The following ABLIM2 variants were observed in gnomAD, a reference collection of about 807,000 sequenced individuals.
ABLIM2 encodes actin-binding LIM protein 2.
ABLIM2 carries 53 observed loss-of-function variants against 97.7 expected under a neutral mutation model. That is an observed-to-expected ratio of 0.54 (90% CI 0.44 to 0.68). The LOEUF is 0.68. Among genes scored for constraint, ABLIM2 ranks in the 30% least tolerant of loss-of-function variants. The pLI is 0.00. For missense variants in ABLIM2, 835 were observed against 867.2 expected, an observed-to-expected ratio of 0.96 and a Z score of 0.47; for synonymous variants, 361 against 345.8, an observed-to-expected ratio of 1.04 and a Z score of -0.49.
rs1755888563 is a variant in ABLIM2 at position 7,999,888 on chromosome 4, C to A, written c.1619-6961G>T. Among the ~76,000 whole-genome samples, 1 of 152,244 alleles carries A rather than the reference C, an allele frequency of 6.6e-6. No individual in the cohort carries two copies. Among genetic ancestry groups the A allele is most frequent in the Admixed American group, 6.5e-5 (1 of 15,290 alleles). ...CCAGGCCTGCTCTTGGGGCCCTGAG[C>A]CTCTTCTCCACAGGTCTGTCCTCTT... is the stretch of plus-strand genomic sequence containing the variant. On this transcript the variant is annotated intron_variant, in intron 16 of 20. Coordinates refer to ENST00000447017, the MANE Select transcript of ABLIM2 (RefSeq NM_001130083.2). This position sits in a 1 kb window ranked among gnomAD's most constrained non-coding sequence, Gnocchi z 4.4.
intron 9 of ABLIM2, among the ~76,000 whole-genome samples, chr4:8,042,109 A>G (rs1789068827): frequency 6.6e-6 from 1 of 152,104 alleles, no homozygotes; most frequent in Non-Finnish European, 1.5e-5. Context: ...CATGCTGAGG[A>G]CTTTGACCTA....
At position 7,983,570 on chromosome 4, in the gene ABLIM2, A is replaced by AGC. The variant is rs763757729; in HGVS notation, c.1736-18_1736-17dup. The AGC allele has an allele frequency of 3.1e-6, 5 of 1,612,752 alleles. No homozygotes were observed. The African/African-American group carries it at 4.0e-5, about 13-fold the overall frequency. On this transcript the variant is annotated splice_polypyrimidine_tract_variant and intron_variant, in intron 18 of 20. Coordinates refer to ENST00000447017, the MANE Select transcript of ABLIM2 (RefSeq NM_001130083.2). ...ACCTTGTATTCTGTAAGAGAGAGAG[A>AGC]GCGGAGACCACGAAATGGTTTAGAA... is the stretch of plus-strand genomic sequence containing the variant.
At chr4:8,107,221 A>C (rs1386131543) in intron 1 of ABLIM2, among the ~76,000 whole-genome samples, 1 of 152,258 alleles carries the variant, frequency 6.6e-6, no homozygotes, top group Non-Finnish European at 1.5e-5. Context: ...AGGACATTTA[A>C]GGAGTGGATG....
At chr4:7,981,344 C>T (rs1352435737) in intron 20 of ABLIM2, among the ~76,000 whole-genome samples, 1 of 152,114 alleles carries the variant, frequency 6.6e-6, no homozygotes, top group Admixed American at 6.5e-5. Flanking sequence ...TCTTTGAATC[C>T]ACCTATGACC....
chr4:7,979,294 G>A (rs1394020828), intron 20 of ABLIM2, among the ~76,000 whole-genome samples: 2 of 152,204 alleles, frequency 1.3e-5, no homozygotes, highest in African/African-American at 4.8e-5. Flanking sequence ...GCACACCCTG[G>A]AGGACTGACC....
At chr4:8,099,258 T>A (rs1488874316) in intron 2 of ABLIM2, among the ~76,000 whole-genome samples, 1 of 152,258 alleles carries the variant, frequency 6.6e-6, no homozygotes, top group East Asian at 1.9e-4. Context: ...CATTATAGTA[T>A]TCTGATGTCA....
In ABLIM2 at chr4:7,984,856, G is replaced by A. The variant is rs749079512; in HGVS notation, c.1718C>T (p.Ala573Val). The change falls in exon 18 of 21, where the codon GCC (alanine) becomes GTC (valine). Residue 573 changes from alanine (A) to valine (V), a missense_variant. Transcript: ENST00000447017. ...NLAPCGADPD[A>V]SWGMREYKIY... Reference sequence around the variant, plus strand: ...CTGTGTACCTCGCATGCCCCAGCTGGCATCCGGGTCTGCTCCACAGGGGGC... The same window carrying A: ...CTGTGTACCTCGCATGCCCCAGCTGACATCCGGGTCTGCTCCACAGGGGGC... 4 of 1,606,522 alleles carry A rather than the reference G, an allele frequency of 2.5e-6. No individual in the cohort carries two copies. The highest frequency in any genetic ancestry group is 3.4e-5 in the Admixed American group (2 of 58,988).
intron 3 of ABLIM2, among the ~76,000 whole-genome samples, chr4:8,091,026 G>A (rs1827024473): frequency 6.6e-6 from 1 of 151,464 alleles, no homozygotes; most frequent in Non-Finnish European, 1.5e-5. Flanking sequence ...CTAAGTGTGT[G>A]TTTAACTTTA....
In ABLIM2 at chr4:8,008,177, G is replaced by C; in HGVS notation, c.1500C>G (p.Leu500=). 1 of 1,613,766 alleles carries C rather than the reference G, an allele frequency of 6.2e-7. No homozygotes were observed. Among genetic ancestry groups the C allele is most frequent in the East Asian group, 2.2e-5 (1 of 44,886 alleles). ...TGGTCCTTGTGTCTGCATCCCCCTT[G>C]AGCATCAGCCAGCTGCTCTTCTGCT... ...NRKQKSSWLM[L]KGDADTRTNS... Residue 500 remains leucine (L), a synonymous_variant, in exon 16 of 21, where the codon CTC becomes CTG. Transcript: ENST00000447017.
chr4:8,065,727 C>A (rs1288002699), intron 6 of ABLIM2, among the ~76,000 whole-genome samples: 1 of 151,576 alleles, frequency 6.6e-6, no homozygotes, highest in African/African-American at 2.4e-5. Flanking sequence ...AGTTTGAGAC[C>A]AGCTTGACCA....
intron 8 of ABLIM2, among the ~76,000 whole-genome samples, chr4:8,051,352 T>C (rs1795919534): frequency 6.6e-6 from 1 of 151,200 alleles, no homozygotes; most frequent in Admixed American, 6.6e-5. Context: ...ATTGAGACCA[T>C]CCTGGTCAAC....
Position 8,128,958 on chromosome 4 carries a change from A to G in ABLIM2, c.11-22321T>C, listed in dbSNP as rs1561599997. The stretch of plus-strand genomic sequence containing the variant: ...CCAGAACTGAGAAAAATAAATGTCT[A>G]TTATTCAGAAGCCACCAGTCTATGA... On this transcript the variant is annotated intron_variant, in intron 1 of 20. Transcript: ENST00000447017. The surrounding 1 kb of genome is among the most constrained non-coding windows in gnomAD (Gnocchi z 4.9). 6.6e-6 allele frequency among the ~76,000 whole-genome samples: 1 copy of G among 151,894 alleles called. No homozygotes were observed. The highest frequency in any genetic ancestry group is 2.4e-5 in the African/African-American group (1 of 41,358).
At chr4:8,143,350 C>T (rs1240864468) in intron 1 of ABLIM2, among the ~76,000 whole-genome samples, 2 of 152,212 alleles carry the variant, frequency 1.3e-5, no homozygotes, top group African/African-American at 4.8e-5. Context: ...TGAGCACGTA[C>T]TACCAGCCAG....
chr4:8,088,524 A>G (rs1282094349), intron 3 of ABLIM2, among the ~76,000 whole-genome samples: 4 of 152,228 alleles, frequency 2.6e-5, no homozygotes, highest in Admixed American at 6.5e-5. Flanking sequence ...AGGCAGAATC[A>G]TAGCACCTAA....
intron 15 of ABLIM2, among the ~76,000 whole-genome samples, chr4:8,008,474 A>C (rs1385329019): frequency 1.3e-5 from 2 of 152,228 alleles, no homozygotes; most frequent in African/African-American, 4.8e-5. Context: ...CCAGGGGCCC[A>C]CAGGGCTCTG....
At chr4:8,081,299 CA>C (rs1329454026) in intron 4 of ABLIM2, among the ~76,000 whole-genome samples, 1 of 152,220 alleles carries the variant, frequency 6.6e-6, no homozygotes, top group Non-Finnish European at 1.5e-5. Context: ...TGGCGCTCTC[CA>C]CCCCGTGGCC....
At chr4:8,129,076 C>T (rs1848974861) in intron 1 of ABLIM2, among the ~76,000 whole-genome samples, 1 of 151,942 alleles carries the variant, frequency 6.6e-6, no homozygotes, top group South Asian at 2.1e-4. Context: ...AGGTTGTGCC[C>T]ATCCAGGAAC....
At position 8,004,492 on chromosome 4, in the gene ABLIM2, G is replaced by C. The variant is rs1428510599; in HGVS notation, c.1618+3567C>G. ...CGGAAGTGCTGGGTCCTTTCTAGGG[G>C]CCACTGAGTCCTCTGGGCAGTGCCT... is the stretch of plus-strand genomic sequence containing the variant. On this transcript the variant is annotated intron_variant, in intron 16 of 20. Coordinates refer to ENST00000447017, the MANE Select transcript of ABLIM2 (RefSeq NM_001130083.2). The surrounding 1 kb of genome is among the most constrained non-coding windows in gnomAD (Gnocchi z 5.9). 3.3e-5 allele frequency among the ~76,000 whole-genome samples: 5 copies of C among 152,140 alleles called. No individual in the cohort carries two copies. Among genetic ancestry groups the C allele is most frequent in the Non-Finnish European group, 5.9e-5 (4 of 68,026 alleles).
chr4:8,062,668 T>C (rs1804107167), intron 6 of ABLIM2, among the ~76,000 whole-genome samples: 1 of 152,188 alleles, frequency 6.6e-6, no homozygotes, highest in African/African-American at 2.4e-5. Flanking sequence ...CTCGATCTCC[T>C]GACCTCGTGA....
Sources: allele counts gnomAD v4.1 joint callset (sites outside exome capture counted in the v4.1 genomes callset), GRCh38; gene constraint gnomAD v4.1.1; non-coding constraint Gnocchi (gnomAD v3.1); transcripts MANE v1.5; gene names NCBI Gene and HGNC (gene_info 2026-07-23, HGNC 2026-07-21).